The following PLCE1 variants were observed in gnomAD, a reference collection of about 807,000 sequenced individuals.
The protein encoded by PLCE1 is 1-phosphatidylinositol 4,5-bisphosphate phosphodiesterase epsilon-1.
In PLCE1, 119 loss-of-function variants were observed where a neutral mutation model predicts 242.8. The observed-to-expected ratio is 0.49, with a 90% CI of 0.42 to 0.57. The LOEUF (loss-of-function observed/expected upper bound fraction) is 0.57. Ranked by LOEUF, PLCE1 falls within the 20% of genes least tolerant of loss-of-function variation. The probability of loss-of-function intolerance (pLI) is 0.00; values close to 1 mark genes in which losing one functional copy is unlikely to be tolerated. For synonymous variants in PLCE1, 945 were observed against 1,017.4 expected (o/e 0.93, Z 1.35); for missense variants, 2,441 against 2,788.8 (o/e 0.88, Z 2.81).
intron 4 of PLCE1, among the ~76,000 whole-genome samples, chr10:94,181,179 G>T (rs909471123): frequency 1.3e-5 from 2 of 152,182 alleles, no homozygotes; most frequent in Admixed American, 1.3e-4. Flanking sequence ...GAAGACAATG[G>T]GAATCAGAAT....
intron 4 of PLCE1, among the ~76,000 whole-genome samples, chr10:94,186,153 A>C (rs2048470160): frequency 6.6e-6 from 1 of 152,246 alleles, no homozygotes; most frequent in Non-Finnish European, 1.5e-5. Context: ...CCATATCTTC[A>C]GAACTTACGT....
chr10:94,010,377 C>G (rs1297740688), intron 1 of PLCE1, among the ~76,000 whole-genome samples: 1 of 152,224 alleles, frequency 6.6e-6, no homozygotes, highest in Non-Finnish European at 1.5e-5. Context: ...CTTGGAAGAT[C>G]TGAAATGCCT....
intron 27 of PLCE1, among the ~76,000 whole-genome samples, chr10:94,309,968 G>T (rs993466140): frequency 6.6e-6 from 1 of 152,186 alleles, no homozygotes. Context: ...TGAGGCTACA[G>T]TGAGCTATGA....
intron 5 of PLCE1, among the ~76,000 whole-genome samples, chr10:94,232,218 T>A (rs2137261080): frequency 6.6e-6 from 1 of 152,316 alleles, no homozygotes; most frequent in Middle Eastern, 3.4e-3. Flanking sequence ...CACATGGGTG[T>A]TTGTCATGTT....
chr10:94,199,856 G>A (rs979882794), intron 4 of PLCE1, among the ~76,000 whole-genome samples: 7 of 152,260 alleles, frequency 4.6e-5, no homozygotes, highest in Admixed American at 3.9e-4. Context: ...GTGTCCCCAG[G>A]GTAAGGCGCT....
In PLCE1 at chr10:94,163,303, T is replaced by A. The variant is rs184052569; in HGVS notation, c.1493-7877T>A. Among the ~76,000 whole-genome samples, 696 of 152,246 alleles carry A rather than the reference T, an allele frequency of 4.6e-3. 3 individuals carry two copies. The highest frequency in any genetic ancestry group is 0.015 in the African/African-American group (637 of 41,546). ...TGTGTGGGAGTCTAAGTCTCTTTGT[T>A]GGTCTCTAAGGACTTGCTTTATGAA... On this transcript the variant is annotated intron_variant, in intron 3 of 32. Transcript: ENST00000371380.
At chr10:94,117,150 G>T (rs543344783) in intron 2 of PLCE1, among the ~76,000 whole-genome samples, 1 of 152,270 alleles carries the variant, frequency 6.6e-6, no homozygotes, top group South Asian at 2.1e-4. Flanking sequence ...CAAGTGAATG[G>T]CTCAGCAAGG....
In PLCE1 at chr10:94,235,350, A is replaced by G. The variant is rs75807413; in HGVS notation, c.2215-565A>G. Among the ~76,000 whole-genome samples, 41 of 152,258 alleles carry G rather than the reference A, an allele frequency of 2.7e-4. 2 individuals carry two copies. In the East Asian group the frequency reaches 7.9e-3, roughly 29 times the overall value. On this transcript the variant is annotated intron_variant, in intron 6 of 32. Coordinates refer to ENST00000371380, the MANE Select transcript of PLCE1 (RefSeq NM_016341.4). The stretch of plus-strand genomic sequence containing the variant: ...CTTCCTCATGTCTTAAGAAGAGGGA[A>G]CTCCACATCTCTTATCCCAGACACA...
intron 2 of PLCE1, among the ~76,000 whole-genome samples, chr10:94,117,929 T>G (rs1346527699): frequency 6.6e-6 from 1 of 152,238 alleles, no homozygotes; most frequent in Non-Finnish European, 1.5e-5. Flanking sequence ...ACCATTATTC[T>G]GTATATAATC....
chr10:94,303,529 C>T lies in PLCE1; in HGVS notation c.5459-953C>T, dbSNP rs189855670. Among the ~76,000 whole-genome samples the T allele has an allele frequency of 1.1e-3, 164 of 151,946 alleles. 1 individual carries two copies. The highest frequency in any genetic ancestry group is 1.7e-3 in the Non-Finnish European group (115 of 67,970). ...ATGTGATTATTTTTTTTCTTGTTTA[C>T]GATTTTTTAAAAAGAAATAGGTGTA... On this transcript the variant is annotated intron_variant, in intron 24 of 32. Coordinates refer to ENST00000371380, the MANE Select transcript of PLCE1 (RefSeq NM_016341.4).
In PLCE1 at chr10:94,321,995, C is replaced by T. The variant is rs768511827; in HGVS notation, c.6437C>T (p.Pro2146Leu). 2 of 1,614,010 alleles carry T rather than the reference C, an allele frequency of 1.2e-6. No individual in the cohort carries two copies. Among genetic ancestry groups the T allele is most frequent in the East Asian group, 2.2e-5 (1 of 44,874 alleles). ...TTTGTCCAAGTGCATGATGTTTCTCCAGAGCAACCTCGAACAGTCATCAAA... is the reference window on the plus strand; with the variant it reads ...TTTGTCCAAGTGCATGATGTTTCTCTAGAGCAACCTCGAACAGTCATCAAA... ...SFFVQVHDVS[P>L]EQPRTVIKAP... The change falls in exon 30 of 33, where the codon CCA (proline) becomes CTA (leucine). Residue 2146 changes from proline (P) to leucine (L), a missense_variant. This residue lies in a region of PLCE1 where 310 missense variants were observed against 317.2 expected (regional missense o/e 0.98). Transcript: ENST00000371380.
At position 94,164,972 on chromosome 10, in the gene PLCE1, T is replaced by A. The variant is rs544072927; in HGVS notation, c.1493-6208T>A. Among the ~76,000 whole-genome samples the A allele has an allele frequency of 7.2e-5, 11 of 152,316 alleles. No individual in the cohort carries two copies. The South Asian group carries it at 2.3e-3, about 32-fold the overall frequency. ...GTGGATATTGGTGAACAGCAAATGT[T>A]GCTGCCTGATCTTTCCTCTGGAAGT... is the stretch of plus-strand genomic sequence containing the variant. On this transcript the variant is annotated intron_variant, in intron 3 of 32. Coordinates refer to ENST00000371380, the MANE Select transcript of PLCE1 (RefSeq NM_016341.4).
chr10:94,226,831 C>A, intron 4 of PLCE1, among the ~76,000 whole-genome samples: 1 of 101,822 alleles, frequency 9.8e-6, no homozygotes, highest in African/African-American at 3.9e-5. Flanking sequence ...ACCTATAGGT[C>A]TTTTTTTTTT....
intron 2 of PLCE1, chr10:94,105,540 C>G (rs1466797213): frequency 1.3e-5 from 2 of 152,202 alleles, no homozygotes; most frequent in Non-Finnish European, 2.9e-5. Context: ...TTTTAAGGCA[C>G]AGACCCATTG....
intron 1 of PLCE1, among the ~76,000 whole-genome samples, chr10:94,004,409 G>A (rs2060996337): frequency 6.6e-6 from 1 of 151,932 alleles, no homozygotes; most frequent in South Asian, 2.1e-4. Context: ...AGCTTAAGGG[G>A]GGAAAAAGTG....
At chr10:94,327,272 A>G (rs1436989448) in intron 32 of PLCE1, among the ~76,000 whole-genome samples, 4 of 151,938 alleles carry the variant, frequency 2.6e-5, no homozygotes, top group Non-Finnish European at 5.9e-5. Flanking sequence ...GCACTTGTAA[A>G]AGAAAAGAAG....
chr10:94,251,040 T>A (rs1233680502), intron 8 of PLCE1, among the ~76,000 whole-genome samples: 1 of 152,184 alleles, frequency 6.6e-6, no homozygotes, highest in African/African-American at 2.4e-5. Flanking sequence ...GGCTTCTGAT[T>A]GGCTTATTGG....
At chr10:94,259,193 C>T (rs550551394) in intron 13 of PLCE1, 43 bp downstream of exon 13, 2 of 1,605,732 alleles carry the variant, frequency 1.2e-6, no homozygotes, top group East Asian at 2.2e-5. Flanking sequence ...ATCAATCTGT[C>T]TAAAACTTAA....
Position 94,235,960 on chromosome 10 carries a change from G to A in PLCE1, c.2260G>A (p.Gly754Arg). 1.2e-6 allele frequency: 2 copies of A among 1,613,986 alleles called. No individual in the cohort carries two copies. Among genetic ancestry groups the A allele is most frequent in the Non-Finnish European group, 1.7e-6 (2 of 1,179,956 alleles). ...SGQDNFLQRV[G>R]QNGLKNSEKE... is the part of the protein sequence containing the mutation. ...ACAAGATAATTTCTTACAACGAGTG[G>A]GACAAAATGGCTTAAAGAATTCGGA... The change falls in exon 7 of 33, where the codon GGA becomes AGA. Residue 754 changes from glycine (G) to arginine (R), a missense_variant. By Grantham distance (125) the Gly-to-Arg change is moderately radical (BLOSUM62 -2). Transcript: ENST00000371380.
Sources: allele counts gnomAD v4.1 joint callset (sites outside exome capture counted in the v4.1 genomes callset), GRCh38; gene constraint gnomAD v4.1.1; regional missense constraint gnomAD v4.1.1; transcripts MANE v1.5; gene names NCBI Gene and HGNC (gene_info 2026-07-23, HGNC 2026-07-21).